Variants in HDAC1 observed in about 807,000 individuals in gnomAD.
The protein encoded by HDAC1 is protein deacetylase HDAC1.
A neutral mutation model predicts 65.5 loss-of-function variants in HDAC1; 18 were observed. The observed-to-expected ratio is 0.27, with a 90% confidence interval of 0.19 to 0.41. HDAC1 has a LOEUF of 0.41. HDAC1 is among the 10% of genes least tolerant of loss of function. The pLI is 1.00. For missense variants in HDAC1, 373 were observed against 625.2 expected, an observed-to-expected ratio of 0.60 and a Z score of 4.30; for synonymous variants, 211 against 227.9, an observed-to-expected ratio of 0.93 and a Z score of 0.67.
rs758227477 is a variant in HDAC1 at position 32,329,111 on chromosome 1, C to G, written c.680C>G (p.Pro227Arg). Reference sequence around the variant, plus strand: ...GGCAAGTATTATGCTGTTAACTACCCGCTCCGAGACGGGATTGATGACGAG... The same window carrying G: ...GGCAAGTATTATGCTGTTAACTACCGGCTCCGAGACGGGATTGATGACGAG... ...GKGKYYAVNYPLRDGIDDESY... is the reference protein window; with the variant it reads ...GKGKYYAVNYRLRDGIDDESY... Residue 227 changes from proline to arginine, a missense_variant, in exon 7 of 14, where the codon CCG becomes CGG. This residue lies in a region of HDAC1 where 62 missense variants were observed against 180.0 expected (regional missense o/e 0.34). Transcript: ENST00000373548. This position sits in a 1 kb window ranked among gnomAD's most constrained non-coding sequence, Gnocchi z 4.1. The G allele has an allele frequency of 1.2e-6, 2 of 1,612,976 alleles. No homozygotes were observed. Among genetic ancestry groups the G allele is most frequent in the South Asian group, 2.2e-5 (2 of 91,050 alleles).
intron 1 of HDAC1, 167 bp downstream of exon 1, chr1:32,292,385 G>T: frequency 1.0e-6 from 1 of 985,308 alleles, no homozygotes; most frequent in Non-Finnish European, 1.2e-6. Context: ...GAGGCTGCGA[G>T]GAAGGGAGAT....
chr1:32,292,565 G>C, intron 1 of HDAC1: 1 of 434,326 alleles, frequency 2.3e-6, no homozygotes. Flanking sequence ...ACATTTTCTT[G>C]CCGAGAACCC....
chr1:32,328,482 G>A (rs891535269), intron 6 of HDAC1, among the ~76,000 whole-genome samples: 1 of 152,102 alleles, frequency 6.6e-6, no homozygotes, highest in Admixed American at 6.6e-5. Context: ...AACTATGCCC[G>A]GCTAATTTTT....
chr1:32,292,881 G>C (rs375712600), intron 1 of HDAC1, among the ~76,000 whole-genome samples: 9 of 152,242 alleles, frequency 5.9e-5, no homozygotes, highest in East Asian at 5.8e-4. Flanking sequence ...GGAGCACAGA[G>C]AAGAGGCACC....
chr1:32,326,872 C>G, intron 4 of HDAC1, 67 bp from the exon 5 acceptor site: 2 of 1,584,628 alleles, frequency 1.3e-6, no homozygotes, highest in Non-Finnish European at 1.7e-6. Context: ...ACTAGGTTCC[C>G]TGGGCTTCTT....
intron 3 of HDAC1, 149 bp downstream of exon 3, chr1:32,316,931 T>C: frequency 1.5e-6 from 1 of 658,660 alleles, no homozygotes. Context: ...CTTTTTCCCC[T>C]CAAGTCGGAT....
intron 1 of HDAC1, among the ~76,000 whole-genome samples, chr1:32,297,654 A>G (rs972881575): frequency 1.4e-4 from 21 of 152,256 alleles, no homozygotes; most frequent in Non-Finnish European, 2.8e-4. Flanking sequence ...TCTGTCGCCC[A>G]GGCTGGAGTG....
chr1:32,300,191 T>C (rs919002400), intron 1 of HDAC1, among the ~76,000 whole-genome samples: 3 of 152,208 alleles, frequency 2.0e-5, no homozygotes, highest in Admixed American at 2.0e-4. Context: ...CTCAATTCAA[T>C]TCATTGAATC....
At chr1:32,319,309 A>G (rs1182750002) in intron 3 of HDAC1, among the ~76,000 whole-genome samples, 1 of 152,176 alleles carries the variant, frequency 6.6e-6, no homozygotes, top group Non-Finnish European at 1.5e-5. Context: ...GGGCAGGAAG[A>G]ATAAGCCTCT....
At chr1:32,311,663 T>G (rs958177535) in intron 2 of HDAC1, among the ~76,000 whole-genome samples, 1 of 152,168 alleles carries the variant, frequency 6.6e-6, no homozygotes, top group Admixed American at 6.6e-5. Flanking sequence ...AAAATGACAC[T>G]TAGGTTTTCA....
At chr1:32,332,949 A>G (rs746312744) in intron 13 of HDAC1, 68 bp from the exon 14 acceptor site, 44 of 1,522,622 alleles carry the variant, frequency 2.9e-5, no homozygotes, top group Non-Finnish European at 3.7e-5. Context: ...TGTGGAAGTC[A>G]CTGTCTGCAC....
At chr1:32,320,855 G>A (rs1384159111) in intron 3 of HDAC1, among the ~76,000 whole-genome samples, 9 of 131,910 alleles carry the variant, frequency 6.8e-5, no homozygotes, top group Middle Eastern at 5.4e-3. Flanking sequence ...AGCCAAGATC[G>A]CGCCACTGCA....
chr1:32,309,680 CAA>C (rs560312057), intron 2 of HDAC1, among the ~76,000 whole-genome samples: 6 of 50,928 alleles, frequency 1.2e-4, no homozygotes, highest in Admixed American at 2.3e-4. Context: ...GAGCGAGTCT[CAA>C]AAAAAAAAAA....
At position 32,315,331 on chromosome 1, in the gene HDAC1, C is replaced by T. The variant is rs146781668; in HGVS notation, c.163-1334C>T. On this transcript the variant is annotated intron_variant, in intron 2 of 13. Transcript: ENST00000373548. Reference sequence around the variant, plus strand: ...CCATTTTGTCCATAATTTTATAATACGTATATATACATATATATTTTTTTT... The same window carrying T: ...CCATTTTGTCCATAATTTTATAATATGTATATATACATATATATTTTTTTT... 6.8e-3 allele frequency among the ~76,000 whole-genome samples: 1,030 copies of T among 151,742 alleles called. 7 individuals are homozygous for T. Among genetic ancestry groups the T allele is most frequent in the African/African-American group, 0.024 (977 of 41,414 alleles).
chr1:32,295,586 A>G (rs903762761), intron 1 of HDAC1, among the ~76,000 whole-genome samples: 2 of 151,398 alleles, frequency 1.3e-5, no homozygotes, highest in Non-Finnish European at 2.9e-5. Context: ...AAAAGGATAA[A>G]CTCTGTTTTT....
At chr1:32,322,340 A>G (rs1248329639) in intron 3 of HDAC1, among the ~76,000 whole-genome samples, 3 of 150,756 alleles carry the variant, frequency 2.0e-5, no homozygotes, top group Admixed American at 1.3e-4. Flanking sequence ...GCAGGGGTGC[A>G]ATCTTGGCTC....
chr1:32,312,684 CT>C (rs1042170538), intron 2 of HDAC1, among the ~76,000 whole-genome samples: 134 of 137,308 alleles, frequency 9.8e-4, no homozygotes, highest in African/African-American at 3.3e-3. Context: ...TGTTTGTTTG[CT>C]TGTTTTTTGA....
chr1:32,319,090 G>C (rs547901378), intron 3 of HDAC1, among the ~76,000 whole-genome samples: 1 of 152,090 alleles, frequency 6.6e-6, no homozygotes, highest in African/African-American at 2.4e-5. Flanking sequence ...CTGCACTCCA[G>C]CCTGGGCGAC....
chr1:32,310,652 C>A (rs528482685), intron 2 of HDAC1, among the ~76,000 whole-genome samples: 1 of 152,176 alleles, frequency 6.6e-6, no homozygotes, highest in East Asian at 1.9e-4. Context: ...CAGTTTGAGA[C>A]CAGCCTGGCC....
Sources: gnomAD v4.1 joint callset for allele counts (sites outside exome capture counted in the v4.1 genomes callset) on GRCh38, gnomAD v4.1.1 for gene constraint, gnomAD v4.1.1 regional missense constraint, Gnocchi (gnomAD v3.1) non-coding constraint, MANE v1.5 for transcripts, NCBI Gene and HGNC (gene_info 2026-07-23, HGNC 2026-07-21) for gene names.